The following AK5 variants were observed in gnomAD, a reference collection of about 807,000 sequenced individuals.
AK5 encodes the protein adenylate kinase isoenzyme 5.
Under a neutral mutation model 69.5 loss-of-function variants are expected in AK5, and 27 were observed. The observed-to-expected ratio is 0.39, with a 90% CI of 0.29 to 0.54. AK5 has a LOEUF of 0.54. AK5 is among the 20% of genes least tolerant of loss of function. The probability of loss-of-function intolerance (pLI) is 0.71; values close to 1 mark genes in which losing one functional copy is unlikely to be tolerated. For missense variants in AK5, 531 were observed against 700.4 expected (o/e 0.76, Z 2.73); for synonymous variants, 260 against 244.4 (o/e 1.06, Z -0.60).
intron 8 of AK5, among the ~76,000 whole-genome samples, chr1:77,482,738 T>C (rs944674348): frequency 6.8e-6 from 1 of 147,814 alleles, no homozygotes. Flanking sequence ...ACCACTGCGC[T>C]CCAGCCTGGG....
chr1:77,333,757 A>T (rs898991381), intron 5 of AK5, among the ~76,000 whole-genome samples: 1 of 152,298 alleles, frequency 6.6e-6, no homozygotes, highest in African/African-American at 2.4e-5. Context: ...CAAAGCCTGA[A>T]ATATTTGCCA....
At position 77,521,918 on chromosome 1, in the gene AK5, A is replaced by T; in HGVS notation, c.1403A>T (p.Lys468Met). ...ATTGACGGCTATCCTCGGGAGGTGA[A>T]GCAAGGGGAAGAGTTCGGACGCAGG... is the stretch of plus-strand genomic sequence containing the variant. The part of the protein sequence containing the change: ...FLIDGYPREV[K>M]QGEEFGRRIG... Residue 468 changes from lysine (K) to methionine (M), a missense_variant, in exon 12 of 14, where the codon AAG becomes ATG. Transcript: ENST00000354567. The T allele has an allele frequency of 1.2e-6, 2 of 1,612,358 alleles. No individual in the cohort carries two copies. Among genetic ancestry groups the T allele is most frequent in the Non-Finnish European group, 1.7e-6 (2 of 1,179,378 alleles).
At chr1:77,410,267 A>G (rs868048741) in intron 6 of AK5, among the ~76,000 whole-genome samples, 1 of 151,424 alleles carries the variant, frequency 6.6e-6, no homozygotes, top group African/African-American at 2.4e-5. Flanking sequence ...TTTGGTTTGG[A>G]GGTTTTGTTG....
intron 6 of AK5, among the ~76,000 whole-genome samples, chr1:77,381,506 A>G (rs1370781686): frequency 2.0e-5 from 3 of 152,208 alleles, no homozygotes; most frequent in Non-Finnish European, 4.4e-5. Flanking sequence ...GCTTGGCACC[A>G]AAAGAACAAA....
chr1:77,404,033 C>T lies in AK5; in HGVS notation c.892-6948C>T, dbSNP rs530291145. Among the ~76,000 whole-genome samples the T allele has an allele frequency of 1.1e-4, 17 of 152,164 alleles. No homozygotes were observed. The East Asian group carries it at 2.3e-3, about 21-fold the overall frequency. ...CTTCACATCCCTCGTAAGTTGGATT[C>T]CTAGGTATTTTATTCTCTTTGAAGC... On this transcript the variant is annotated intron_variant, in intron 6 of 13. Transcript: ENST00000354567.
intron 13 of AK5, among the ~76,000 whole-genome samples, chr1:77,546,207 T>C (rs1352557905): frequency 6.6e-6 from 1 of 152,198 alleles, no homozygotes; most frequent in Non-Finnish European, 1.5e-5. Context: ...TCTTGATTTC[T>C]TCCTCTGTGG....
rs1485762543 is a variant in AK5, at chr1:77,417,649, C to A, written c.993C>A (p.Asp331Glu). ...CTTTCCTAATCTTAGGTTCAAGTGA[C>A]CTTGATCCTTCGATGATATTGGACA... ...PNKEAAAGSS[D>E]LDPSMILDTG... The change falls in exon 8 of 14, where the codon GAC becomes GAA. Residue 331 changes from aspartate to glutamate, a missense_variant. Physicochemically the swap from Asp to Glu is conservative, Grantham distance 45. Transcript: ENST00000354567. The A allele has an allele frequency of 6.2e-7, 1 of 1,603,432 alleles. No homozygotes were observed. The highest frequency in any genetic ancestry group is 1.3e-5 in the African/African-American group (1 of 74,688).
rs548802442 is a variant in AK5, at chr1:77,377,195, C to G, written c.892-33786C>G. On this transcript the variant is annotated intron_variant, in intron 6 of 13. Coordinates refer to ENST00000354567, the MANE Select transcript of AK5 (RefSeq NM_174858.3). ...AAGCTCAAAACACATATACCAGACT[C>G]CCTGTCAGTGGGGTCCTCTCTACTT... Among the ~76,000 whole-genome samples, 40 of 152,278 alleles carry G rather than the reference C, an allele frequency of 2.6e-4. 1 individual carries two copies. The South Asian group carries it at 8.3e-3, about 32-fold the overall frequency.
At chr1:77,513,937 C>T (rs1657495382) in intron 10 of AK5, among the ~76,000 whole-genome samples, 5 of 152,138 alleles carry the variant, frequency 3.3e-5, no homozygotes, top group Admixed American at 2.0e-4. Context: ...CAAAGAACAC[C>T]AGGTACCGAA....
rs1010066181 is a variant in AK5, at chr1:77,370,563, T to TA, written c.891+30003dup. The stretch of plus-strand genomic sequence containing the variant: ...TAAAGATGAAAATAAAAATTAAAAT[T>TA]AAAAAAAACTTTAGAGATGGATCAG... On this transcript the variant is annotated intron_variant, in intron 6 of 13. Transcript: ENST00000354567. Among the ~76,000 whole-genome samples the TA allele has an allele frequency of 2.4e-3, 366 of 152,134 alleles. 2 individuals are homozygous for TA. The highest frequency in any genetic ancestry group is 8.2e-3 in the African/African-American group (341 of 41,508).
intron 10 of AK5, among the ~76,000 whole-genome samples, chr1:77,514,678 C>T (rs780793700): frequency 5.9e-5 from 9 of 152,298 alleles, no homozygotes; most frequent in South Asian, 2.1e-4. Flanking sequence ...ACTGGGGCAG[C>T]GGCTGCTGTT....
At chr1:77,282,428 TTCGGGTTGA>T in intron 1 of AK5, 55 bp downstream of exon 1, 2 of 1,519,514 alleles carry the variant, frequency 1.3e-6, no homozygotes, top group Non-Finnish European at 1.8e-6. Context: ...ATCTCAGGGG[TTCGGGTTGA>T]GGCAGCCGCG....
intron 10 of AK5, among the ~76,000 whole-genome samples, chr1:77,514,362 G>A (rs17380852): frequency 0.12 from 18,964 of 152,174 alleles, 1,600 homozygotes; most frequent in Admixed American, 0.19. Context: ...TCTGAGATGC[G>A]GTTCCTCAAA....
At chr1:77,418,888 A>G (rs1241285296) in intron 8 of AK5, among the ~76,000 whole-genome samples, 2 of 152,206 alleles carry the variant, frequency 1.3e-5, no homozygotes, top group Non-Finnish European at 2.9e-5. Flanking sequence ...AAGCAAGGAG[A>G]TGATGTTGGC....
Position 77,302,813 on chromosome 1 carries a change from T to C in AK5, c.699+4866T>C, listed in dbSNP as rs1217649963. 2.0e-5 allele frequency among the ~76,000 whole-genome samples: 3 copies of C among 152,232 alleles called. No individual in the cohort carries two copies. The East Asian group carries it at 5.8e-4, about 29-fold the overall frequency. On this transcript the variant is annotated intron_variant, in intron 5 of 13. Coordinates refer to ENST00000354567, the MANE Select transcript of AK5 (RefSeq NM_174858.3). Reference sequence around the variant, plus strand: ...TAAACGCAGCAAAGAGCAGTCAGTGTACACAGACACTCTAGCTCTTTCCAG... The same window carrying C: ...TAAACGCAGCAAAGAGCAGTCAGTGCACACAGACACTCTAGCTCTTTCCAG...
At chr1:77,475,732 T>C (rs1426843426) in intron 8 of AK5, among the ~76,000 whole-genome samples, 1 of 151,498 alleles carries the variant, frequency 6.6e-6, no homozygotes, top group Non-Finnish European at 1.5e-5. Context: ...GTCAAATAAT[T>C]CCTTGGCAAG....
chr1:77,327,890 T>C (rs1276691128), intron 5 of AK5, among the ~76,000 whole-genome samples: 1 of 152,114 alleles, frequency 6.6e-6, no homozygotes, highest in African/African-American at 2.4e-5. Flanking sequence ...TCTCTCCCCA[T>C]CCAGTCTGCT....
chr1:77,481,371 G>A (rs556075443), intron 8 of AK5, among the ~76,000 whole-genome samples: 26 of 152,312 alleles, frequency 1.7e-4, no homozygotes, highest in Non-Finnish European at 2.9e-4. Flanking sequence ...GTGGTGGAGA[G>A]GCTTGTTGAG....
chr1:77,530,280 G>T (rs910339433), intron 12 of AK5, among the ~76,000 whole-genome samples: 1 of 152,198 alleles, frequency 6.6e-6, no homozygotes, highest in African/African-American at 2.4e-5. Context: ...TGTGTGGGGG[G>T]AGAAGTTATA....
Sources: gnomAD v4.1 joint callset for allele counts (sites outside exome capture counted in the v4.1 genomes callset) on GRCh38, gnomAD v4.1.1 for gene constraint, MANE v1.5 for transcripts, NCBI Gene and HGNC (gene_info 2026-07-23, HGNC 2026-07-21) for gene names.